Variants in SPRY1 observed in about 807,000 individuals in gnomAD.
The protein encoded by SPRY1 is protein sprouty homolog 1.
SPRY1 carries 20 observed loss-of-function variants against 22.6 expected under a neutral mutation model. The ratio of observed to expected loss-of-function variants is 0.89; its 90% CI spans 0.62 to 1.29. The LOEUF (loss-of-function observed/expected upper bound fraction) is 1.29. Among genes scored for constraint, SPRY1 ranks in the 50% most tolerant of loss-of-function variants. The pLI is 0.00. For missense variants in SPRY1, 446 were observed against 387.7 expected (o/e 1.15, Z -1.26); for synonymous variants, 155 against 144.7 (o/e 1.07, Z -0.51).
At chr4:123,398,236 TGTTACTGAGCCGCCCGGCGAGCACCA>T (rs1192220981) in intron 2 of SPRY1, 5 of 152,096 alleles carry the variant, frequency 3.3e-5, no homozygotes, top group African/African-American at 1.2e-4. Context: ...CCGAGGTGGA[TGTTACTGAGCCGCCCGGCGAGCACCA>T]GCCGTGACAG....
Position 123,402,454 on chromosome 4 carries a change from A to T in SPRY1, c.863A>T (p.Asp288Val). 1 of 1,614,050 alleles carries T rather than the reference A, an allele frequency of 6.2e-7. No individual in the cohort carries two copies. The highest frequency in any genetic ancestry group is 8.5e-7 in the Non-Finnish European group (1 of 1,179,992). The change falls in exon 3 of 3, where the codon GAC becomes GTC. Residue 288 changes from aspartate (D) to valine (V), a missense_variant. By Grantham distance (152) the Asp-to-Val change is radical. Coordinates refer to ENST00000651917, the MANE Select transcript of SPRY1 (RefSeq NM_001258038.2). ...CTGAAGCTGTGCAGGAGGTGTTATG[A>T]CTGGATCCATCGCCCAGGGTGCAGA... ...GCLKLCRRCY[D>V]WIHRPGCRCK...
intron 2 of SPRY1, among the ~76,000 whole-genome samples, chr4:123,400,904 CGTT>C (rs1725120224): frequency 1.3e-5 from 2 of 152,030 alleles, no homozygotes; most frequent in Admixed American, 1.3e-4. Context: ...CACCAAGAAT[CGTT>C]GTGTACCTGA....
Position 123,402,744 on chromosome 4 carries a change from T to C in SPRY1, c.*193T>C. 1 of 714,656 alleles carries C rather than the reference T, an allele frequency of 1.4e-6. No homozygotes were observed. The highest frequency in any genetic ancestry group is 2.3e-6 in the Non-Finnish European group (1 of 440,314). The allele number at this position is 714,656 out of a possible 1,614,324, so 44.3% of individuals were successfully genotyped here. ...CTTCAGCAAGAGTGGACTGGGAAGCTGCACCTGGCTCCCACTTTCAACAAG... is the reference window on the plus strand; with the variant it reads ...CTTCAGCAAGAGTGGACTGGGAAGCCGCACCTGGCTCCCACTTTCAACAAG... On this transcript the variant is annotated 3_prime_UTR_variant, in exon 3 of 3. Transcript: ENST00000651917.
In SPRY1 at chr4:123,401,530, G is replaced by A. The variant is rs544456956; in HGVS notation, c.-55-7G>A. On this transcript the variant is annotated splice_polypyrimidine_tract_variant and splice_region_variant and intron_variant, in intron 2 of 2. Transcript: ENST00000651917. Reference sequence around the variant, plus strand: ...TTCTGTTTTTTTCATCTTTGATTTCGTTTTAGGATTTCAGATGCATGCCAG... The same window carrying A: ...TTCTGTTTTTTTCATCTTTGATTTCATTTTAGGATTTCAGATGCATGCCAG... 3.8e-4 allele frequency: 577 copies of A among 1,504,290 alleles called. No homozygotes were observed. The highest frequency in any genetic ancestry group is 4.9e-4 in the Non-Finnish European group (553 of 1,128,364). 93.2% of individuals were successfully genotyped at this position (1,504,290 alleles called of 1,614,324 possible).
chr4:123,399,535 G>A (rs757306226), intron 2 of SPRY1: 6 of 152,226 alleles, frequency 3.9e-5, no homozygotes, highest in Non-Finnish European at 8.8e-5. Flanking sequence ...GATTGCAGAG[G>A]GCGCAGCTCC....
In SPRY1 at chr4:123,403,341, C is replaced by CA. The variant is rs1200247411; in HGVS notation, c.*792dup. On this transcript the variant is annotated 3_prime_UTR_variant, in exon 3 of 3. Transcript: ENST00000651917. ...TGTCATTGAGGGCACTTGGATAACTCAAGTTGATATTTATAGCTGATCAAT... is the reference window on the plus strand; with the variant it reads ...TGTCATTGAGGGCACTTGGATAACTCAAAGTTGATATTTATAGCTGATCAAT... 1 of 167,096 alleles carries CA rather than the reference C, an allele frequency of 6.0e-6. No individual in the cohort carries two copies. Among genetic ancestry groups the CA allele is most frequent in the African/African-American group, 2.4e-5 (1 of 41,440 alleles). The allele number at this position is 167,096 out of a possible 1,614,324, so 10.4% of individuals were successfully genotyped here.
At chr4:123,397,040 G>T (rs1724941726) in intron 1 of SPRY1, 108 bp downstream of exon 1, 1 of 152,148 alleles carries the variant, frequency 6.6e-6, no homozygotes, top group Non-Finnish European at 1.5e-5. Flanking sequence ...TCCAGCTAAG[G>T]TTACTGGTTG....
chr4:123,401,675 CTA>C lies in SPRY1; in HGVS notation c.86_87del (p.Tyr29Ter). On this transcript the variant is annotated frameshift_variant, in exon 3 of 3. Transcript: ENST00000651917. LOFTEE classifies it high-confidence loss of function. Reference sequence around the variant, plus strand: ...CTTTGGATAGCCGTCAGAGATTAGACTATGAGAGAGAGATTCAGCCTACTGCT... The same window carrying C: ...CTTTGGATAGCCGTCAGAGATTAGACTGAGAGAGAGATTCAGCCTACTGCT... ...PSLDSRQRLD[Y>X]EREIQPTAIL... 1 of 1,614,138 alleles carries C rather than the reference CTA, an allele frequency of 6.2e-7. No individual in the cohort carries two copies. The highest frequency in any genetic ancestry group is 8.5e-7 in the Non-Finnish European group (1 of 1,180,040).
Position 123,403,703 on chromosome 4 carries a change from C to T in SPRY1, c.*1152C>T, listed in dbSNP as rs557885146. 1.2e-5 allele frequency: 2 copies of T among 166,992 alleles called. No individual in the cohort carries two copies. The highest frequency in any genetic ancestry group is 1.9e-4 in the East Asian group (1 of 5,178). The allele number at this position is 166,992 out of a possible 1,614,324, so 10.3% of individuals were successfully genotyped here. A position where few individuals can be genotyped will look rare whatever the true frequency, so the allele number is the denominator to read the frequency against. ...ATACTTAACGGAAAATAAGGTGACA[C>T]GAAGAAAGTACATATGTTAACTATA... On this transcript the variant is annotated 3_prime_UTR_variant, in exon 3 of 3. Coordinates refer to ENST00000651917, the MANE Select transcript of SPRY1 (RefSeq NM_001258038.2).
At chr4:123,401,428 C>A in intron 2 of SPRY1, 109 bp from the exon 3 acceptor site, 1 of 906,194 alleles carries the variant, frequency 1.1e-6, no homozygotes, top group South Asian at 1.7e-5. Flanking sequence ...TGAAGGAGGT[C>A]ATTACTAGGC....
intron 2 of SPRY1, among the ~76,000 whole-genome samples, chr4:123,398,961 C>A (rs1725032968): frequency 6.6e-6 from 1 of 152,072 alleles, no homozygotes; most frequent in Non-Finnish European, 1.5e-5. Flanking sequence ...GTAGGCACAT[C>A]CCCGGAATTC....
chr4:123,399,982 T>TA (rs1366508083), intron 2 of SPRY1: 1 of 152,230 alleles, frequency 6.6e-6, no homozygotes, highest in Non-Finnish European at 1.5e-5. Context: ...TGAAGTTTGT[T>TA]ACAACTATCA....
chr4:123,399,755 C>T (rs1018957239), intron 2 of SPRY1: 2 of 152,214 alleles, frequency 1.3e-5, no homozygotes, highest in African/African-American at 4.8e-5. Flanking sequence ...GTTGGAAATC[C>T]ACGGTGATCC....
chr4:123,398,024 C>T (rs534151730), intron 2 of SPRY1, 168 bp downstream of exon 2: 1 of 152,106 alleles, frequency 6.6e-6, no homozygotes, highest in East Asian at 2.0e-4. Flanking sequence ...GTGGATTTTT[C>T]GCTCGTCAGG....
At chr4:123,398,382 C>T (rs946219492) in intron 2 of SPRY1, 3 of 151,002 alleles carry the variant, frequency 2.0e-5, no homozygotes, top group African/African-American at 7.3e-5. Context: ...GGCCGCGAGC[C>T]GAGGCGCTCC....
chr4:123,398,553 T>A (rs1725009374), intron 2 of SPRY1: 1 of 152,272 alleles, frequency 6.6e-6, no homozygotes, highest in Admixed American at 6.6e-5. Context: ...CGCTGGGCTG[T>A]AGGCGCGCGG....
At chr4:123,398,889 T>C (rs1725027927) in intron 2 of SPRY1, among the ~76,000 whole-genome samples, 1 of 151,654 alleles carries the variant, frequency 6.6e-6, no homozygotes, top group Admixed American at 6.6e-5. Flanking sequence ...CCGGAGGCCC[T>C]CTTTGGAGGA....
chr4:123,399,327 G>A (rs1450652693), intron 2 of SPRY1, among the ~76,000 whole-genome samples: 2 of 151,900 alleles, frequency 1.3e-5, no homozygotes, highest in Admixed American at 6.6e-5. Context: ...AGTGAGCCAA[G>A]GTCGCGCCAC....
chr4:123,403,607 TC>T lies in SPRY1; in HGVS notation c.*1057del, dbSNP rs1433719776. The T allele has an allele frequency of 1.1e-4, 19 of 167,110 alleles. No individual in the cohort carries two copies. Among genetic ancestry groups the T allele is most frequent in the Non-Finnish European group, 1.9e-4 (13 of 68,132 alleles). The allele number at this position is 167,110 out of a possible 1,614,324, so 10.4% of individuals were successfully genotyped here. A position where few individuals can be genotyped will look rare whatever the true frequency, so the allele number is the denominator to read the frequency against. ...GTAAAGAATATTTATTATGCGAATC[TC>T]TATTATTTTATGGTATTTATTGCAA... On this transcript the variant is annotated 3_prime_UTR_variant, in exon 3 of 3. Coordinates refer to ENST00000651917, the MANE Select transcript of SPRY1 (RefSeq NM_001258038.2).
Sources: allele counts gnomAD v4.1 joint callset (sites outside exome capture counted in the v4.1 genomes callset), GRCh38; gene constraint gnomAD v4.1.1; transcripts MANE v1.5; gene names NCBI Gene and HGNC (gene_info 2026-07-23, HGNC 2026-07-21).